The following ZPR1 variants were observed in gnomAD, a reference collection of about 807,000 sequenced individuals.
ZPR1 encodes ZPR1 zinc finger.
ZPR1 carries 37 observed loss-of-function variants against 59.6 expected under a neutral mutation model. The observed-to-expected ratio is 0.62, with a 90% CI of 0.48 to 0.82. The LOEUF is 0.82. Ranked by LOEUF, ZPR1 falls within the 40% of genes least tolerant of loss-of-function variation. The probability of loss-of-function intolerance (pLI) is 0.00; values close to 1 mark genes in which losing one functional copy is unlikely to be tolerated. For missense variants in ZPR1, 527 were observed against 579.9 expected (o/e 0.91, Z 0.94); for synonymous variants, 191 against 215.2 (o/e 0.89, Z 0.99).
At chr11:116,779,167 C>G (rs1388384457) in intron 13 of ZPR1, 108 bp from the exon 14 acceptor site, 62 of 1,473,176 alleles carry the variant, frequency 4.2e-5, no homozygotes, top group Non-Finnish European at 5.6e-5. Context: ...GGGTTTTTTT[C>G]TTTTTATTGG....
chr11:116,787,399 T>A (rs865965924), intron 2 of ZPR1, 83 bp downstream of exon 2: 37 of 1,446,784 alleles, frequency 2.6e-5, no homozygotes, highest in African/African-American at 5.7e-5. Context: ...TTATTTAAGA[T>A]CCGACCGCCT....
intron 12 of ZPR1, among the ~76,000 whole-genome samples, chr11:116,781,856 C>CA (rs1940810704): frequency 1.3e-5 from 2 of 151,808 alleles, no homozygotes; most frequent in Non-Finnish European, 2.9e-5. Context: ...ACTAAAAATA[C>CA]AAAAAATTAG....
Position 116,787,946 on chromosome 11 carries a change from G to A in ZPR1, c.45C>T (p.Ala15=), listed in dbSNP as rs766294816. Residue 15 remains alanine, a synonymous_variant, in exon 1 of 14, where the codon GCC becomes GCT. Coordinates refer to ENST00000227322, the MANE Select transcript of ZPR1 (RefSeq NM_003904.5). ...GAVEPGPPGA[A]VAPSPAPAPP... ...GGGCCGGGGCGGGCGACGGGGCGAC[G>A]GCAGCCCCCGGGGGCCCTGGTTCCA... is the stretch of plus-strand genomic sequence containing the variant. 20 of 1,465,926 alleles carry A rather than the reference G, an allele frequency of 1.4e-5. No individual in the cohort carries two copies. The East Asian group carries it at 3.5e-4, about 26-fold the overall frequency. The allele number at this position is 1,465,926 out of a possible 1,614,324, so 90.8% of individuals were successfully genotyped here.
In ZPR1 at chr11:116,778,498, C is replaced by G. The variant is rs1940752641; in HGVS notation, c.*427G>C. The G allele has an allele frequency of 5.7e-6, 1 of 173,944 alleles. No homozygotes were observed. The highest frequency in any genetic ancestry group is 1.2e-5 in the Non-Finnish European group (1 of 80,788). The allele number at this position is 173,944 out of a possible 1,614,324, so 10.8% of individuals were successfully genotyped here. On this transcript the variant is annotated 3_prime_UTR_variant, in exon 14 of 14. Coordinates refer to ENST00000227322, the MANE Select transcript of ZPR1 (RefSeq NM_003904.5). The stretch of plus-strand genomic sequence containing the variant: ...TTCACTTGTGCTGGACTCGGTCTCC[C>G]CTCAGGAGACTCCTTTCCTGTTCAA...
Position 116,788,012 on chromosome 11 carries a change from C to T in ZPR1, c.-22G>A. The T allele has an allele frequency of 2.1e-6, 3 of 1,415,640 alleles. No individual in the cohort carries two copies. The highest frequency in any genetic ancestry group is 1.8e-6 in the Non-Finnish European group (2 of 1,093,882). 87.7% of individuals were successfully genotyped at this position (1,415,640 alleles called of 1,614,324 possible). On this transcript the variant is annotated 5_prime_UTR_variant, in exon 1 of 14. Coordinates refer to ENST00000227322, the MANE Select transcript of ZPR1 (RefSeq NM_003904.5). ...CCATGGCCACCACGCGCAATTCAGACCTCGGCTTCCTACTTCCGCCGCTCT... is the reference window on the plus strand; with the variant it reads ...CCATGGCCACCACGCGCAATTCAGATCTCGGCTTCCTACTTCCGCCGCTCT...
chr11:116,783,132 G>A lies in ZPR1; in HGVS notation c.982-103C>T, dbSNP rs534761547. 8.9e-5 allele frequency: 73 copies of A among 819,728 alleles called. No homozygotes were observed. The African/African-American group carries it at 1.0e-3, about 11-fold the overall frequency. The allele number at this position is 819,728 out of a possible 1,614,324, so 50.8% of individuals were successfully genotyped here. A position where few individuals can be genotyped will look rare whatever the true frequency, so the allele number is the denominator to read the frequency against. ...CCAGCAGTGATAGACTGCGGACAAG[G>A]GCAGCTGTCTCAGTTTTCTCTGACT... is the stretch of plus-strand genomic sequence containing the variant. On this transcript the variant is annotated intron_variant, in intron 10 of 13. Transcript: ENST00000227322.
In ZPR1 at chr11:116,787,473, T is replaced by G; in HGVS notation, c.333+9A>C. 1 of 1,612,288 alleles carries G rather than the reference T, an allele frequency of 6.2e-7. No homozygotes were observed. Among genetic ancestry groups the G allele is most frequent in the Non-Finnish European group, 8.5e-7 (1 of 1,178,596 alleles). ...GAATACTGAGGTACCTGCTCTGAGG[T>G]CCTCTCACCTCCAGAGCCCTGACAG... On this transcript the variant is annotated intron_variant, in intron 2 of 13. Coordinates refer to ENST00000227322, the MANE Select transcript of ZPR1 (RefSeq NM_003904.5).
chr11:116,787,590 C>T lies in ZPR1; in HGVS notation c.225G>A (p.Val75=). The T allele has an allele frequency of 1.9e-6, 3 of 1,614,212 alleles. No individual in the cohort carries two copies. The South Asian group carries it at 3.3e-5, about 18-fold the overall frequency. ...TKIPFFREII[V]SSFSCEHCGW... ...CACAGTGCTCGCAGGAAAAGGAGCT[C>T]ACTATTATTTCTCTGAAGAAGGGAA... Residue 75 remains valine, a synonymous_variant, in exon 2 of 14, where the codon GTG becomes GTA. Transcript: ENST00000227322.
rs950909782 is a variant in ZPR1 at position 116,780,100 on chromosome 11, T to A, written c.1180-263A>T. Among the ~76,000 whole-genome samples the A allele has an allele frequency of 1.5e-4, 22 of 150,896 alleles. No individual in the cohort carries two copies. The East Asian group carries it at 1.9e-3, about 13-fold the overall frequency. ...ATAAATGAAAGTAAAGAAAAATTTT[T>A]AAAAAAAGAGGCTATGCCTGCCAGA... is the stretch of plus-strand genomic sequence containing the variant. On this transcript the variant is annotated intron_variant, in intron 12 of 13. Coordinates refer to ENST00000227322, the MANE Select transcript of ZPR1 (RefSeq NM_003904.5).
intron 9 of ZPR1, among the ~76,000 whole-genome samples, chr11:116,784,059 G>T (rs1940850076): frequency 6.6e-6 from 1 of 152,112 alleles, no homozygotes; most frequent in South Asian, 2.1e-4. Flanking sequence ...TTTTCAGACA[G>T]CTCTATTGAG....
rs1394535819 is a variant in ZPR1 at position 116,785,626 on chromosome 11, T to C, written c.593A>G (p.Asp198Gly). The C allele has an allele frequency of 1.9e-6, 3 of 1,614,044 alleles. No individual in the cohort carries two copies. The highest frequency in any genetic ancestry group is 2.5e-6 in the Non-Finnish European group (3 of 1,180,036). Residue 198 changes from aspartate to glycine, a missense_variant, in exon 6 of 14, where the codon GAT becomes GGT. By Grantham distance (94) the Asp-to-Gly change is moderately conservative. Coordinates refer to ENST00000227322, the MANE Select transcript of ZPR1 (RefSeq NM_003904.5). The stretch of plus-strand genomic sequence containing the variant: ...TTCCACAAAACTGTTCCCTGAGGGA[T>C]CATCAATGATCTAACAAATGGGAGA... ...VASPFTLIID[D>G]PSGNSFVENP...
chr11:116,782,037 C>A, intron 12 of ZPR1, 121 bp downstream of exon 12: 9 of 672,950 alleles, frequency 1.3e-5, no homozygotes, highest in South Asian at 4.6e-5. Context: ...GAAAAGAAAA[C>A]CAGAAGAAGA....
chr11:116,778,962 G>A lies in ZPR1; in HGVS notation c.1343C>T (p.Thr448Ile), dbSNP rs1348691593. Residue 448 changes from threonine to isoleucine, a missense_variant, in exon 14 of 14, where the codon ACA becomes ATA. Physicochemically the swap from Thr to Ile is moderately conservative, Grantham distance 89 (BLOSUM62 -1). Transcript: ENST00000227322. ...AGCCAGGCCTGCCTCATAGCCCTCTGTCTTCATGTCATTGAGCCCTAGCTC... is the reference window on the plus strand; with the variant it reads ...AGCCAGGCCTGCCTCATAGCCCTCTATCTTCATGTCATTGAGCCCTAGCTC... The part of the protein sequence containing the change: ...NEELGLNDMK[T>I]EGYEAGLAPQ... 1 of 1,614,158 alleles carries A rather than the reference G, an allele frequency of 6.2e-7. No individual in the cohort carries two copies. The highest frequency in any genetic ancestry group is 1.1e-5 in the South Asian group (1 of 91,084).
At chr11:116,781,299 G>GA (rs1398771021) in intron 12 of ZPR1, among the ~76,000 whole-genome samples, 2 of 152,060 alleles carry the variant, frequency 1.3e-5, no homozygotes, top group Admixed American at 6.6e-5. Context: ...TTTCCAGACT[G>GA]AAAAAATACA....
chr11:116,788,002 G>A lies in ZPR1; in HGVS notation c.-12C>T. 2.8e-6 allele frequency: 4 copies of A among 1,426,240 alleles called. No homozygotes were observed. Among genetic ancestry groups the A allele is most frequent in the African/African-American group, 1.5e-5 (1 of 66,774 alleles). The allele number at this position is 1,426,240 out of a possible 1,614,324, so 88.3% of individuals were successfully genotyped here. Reference sequence around the variant, plus strand: ...CCGCTGGCCGCCATGGCCACCACGCGCAATTCAGACCTCGGCTTCCTACTT... The same window carrying A: ...CCGCTGGCCGCCATGGCCACCACGCACAATTCAGACCTCGGCTTCCTACTT... On this transcript the variant is annotated 5_prime_UTR_variant, in exon 1 of 14. Transcript: ENST00000227322.
rs1057485993 is a variant in ZPR1 at position 116,778,738 on chromosome 11, A to G, written c.*187T>C. ...TTCCAAAATAAGGTCAAGTAACACA[A>G]TAGGCTCACACTTGCATCACAAGCT... On this transcript the variant is annotated 3_prime_UTR_variant, in exon 14 of 14. Transcript: ENST00000227322. 6.8e-6 allele frequency: 5 copies of G among 735,904 alleles called. No individual in the cohort carries two copies. The highest frequency in any genetic ancestry group is 2.8e-5 in the East Asian group (1 of 35,334). 45.6% of individuals were successfully genotyped at this position (735,904 alleles called of 1,614,324 possible). A position where few individuals can be genotyped will look rare whatever the true frequency, so the allele number is the denominator to read the frequency against.
rs2134195070 is a variant in ZPR1, at chr11:116,782,231, G to A, written c.1106C>T (p.Pro369Leu). 1 of 1,614,012 alleles carries A rather than the reference G, an allele frequency of 6.2e-7. No homozygotes were observed. The highest frequency in any genetic ancestry group is 8.5e-7 in the Non-Finnish European group (1 of 1,179,986). ...KDIRELVTKNPFTLGDSSNPG... is the reference protein window; with the variant it reads ...KDIRELVTKNLFTLGDSSNPG... ...ATTGGAACTGTCGCCCAGTGTGAAA[G>A]GATTTTTGGTCACCTGCAATAAATG... The change falls in exon 12 of 14, where the codon CCT becomes CTT. Residue 369 changes from proline to leucine, a missense_variant. By Grantham distance (98) the Pro-to-Leu change is moderately conservative (BLOSUM62 -3). Coordinates refer to ENST00000227322, the MANE Select transcript of ZPR1 (RefSeq NM_003904.5).
chr11:116,784,308 A>G, intron 9 of ZPR1, 70 bp downstream of exon 9: 1 of 1,533,442 alleles, frequency 6.5e-7, no homozygotes, highest in Non-Finnish European at 9.0e-7. Context: ...TGAAGTACTT[A>G]GGAAGAATGA....
intron 12 of ZPR1, among the ~76,000 whole-genome samples, chr11:116,780,595 T>C (rs1242203623): frequency 6.6e-6 from 1 of 152,046 alleles, no homozygotes; most frequent in Non-Finnish European, 1.5e-5. Context: ...TCTTAAAACT[T>C]TGGAGGATTC....
Sources: allele counts gnomAD v4.1 joint callset (sites outside exome capture counted in the v4.1 genomes callset), GRCh38; gene constraint gnomAD v4.1.1; transcripts MANE v1.5; gene names NCBI Gene and HGNC (gene_info 2026-07-23, HGNC 2026-07-21).